The following RNF212B variants were observed in gnomAD, a reference collection of about 807,000 sequenced individuals.
The protein encoded by RNF212B is ring finger protein 212B.
Under a neutral mutation model 55.5 loss-of-function variants are expected in RNF212B, and 52 were observed. The ratio of observed to expected loss-of-function variants is 0.94; its 90% confidence interval spans 0.75 to 1.18. RNF212B has a LOEUF of 1.18. RNF212B is among the 50% of genes most tolerant of loss of function. The pLI, the probability that RNF212B is intolerant of heterozygous loss-of-function variation, is 0.00. For synonymous variants in RNF212B, 99 were observed against 121.4 expected, an observed-to-expected ratio of 0.82 and a Z score of 1.21; for missense variants, 289 against 350.4, an observed-to-expected ratio of 0.82 and a Z score of 1.40.
intron 4 of RNF212B, among the ~76,000 whole-genome samples, chr14:23,245,363 G>T (rs1018998360): frequency 2.6e-5 from 4 of 152,090 alleles, no homozygotes; most frequent in Non-Finnish European, 4.4e-5. Context: ...TTAAAATCCA[G>T]CTGAGACTCA....
At chr14:23,236,440 A>G (rs1036968486), upstream of RNF212B, among the ~76,000 whole-genome samples, 12 of 152,026 alleles carry the variant, frequency 7.9e-5, no homozygotes, top group African/African-American at 2.9e-4. Context: ...GCTTGAACCC[A>G]GGAGGCGGAG....
At chr14:23,202,579 T>C (rs970321387) in intron 2 of RNF212B, among the ~76,000 whole-genome samples, 2 of 151,974 alleles carry the variant, frequency 1.3e-5, no homozygotes, top group Non-Finnish European at 2.9e-5. Context: ...AGGCTGGGCG[T>C]GATGGCTCAC....
At chr14:23,208,962 G>T (rs1392249740) in intron 2 of RNF212B, among the ~76,000 whole-genome samples, 1 of 151,324 alleles carries the variant, frequency 6.6e-6, no homozygotes, top group Non-Finnish European at 1.5e-5. Flanking sequence ...GTTTCATCGT[G>T]TTAGCCGGGA....
intron 2 of RNF212B, among the ~76,000 whole-genome samples, chr14:23,232,166 C>A (rs191044996): frequency 6.6e-6 from 1 of 151,976 alleles, no homozygotes; most frequent in East Asian, 1.9e-4. Flanking sequence ...AGGAGGGCCT[C>A]TTCCCCGCCG....
chr14:23,240,300 G>T (rs1424994964), intron 1 of RNF212B, 45 bp from the exon 2 acceptor site: 1 of 1,298,496 alleles, frequency 7.7e-7, no homozygotes, highest in South Asian at 1.3e-5. Context: ...CTATAATTAT[G>T]TTATTCTCTA....
chr14:23,195,469 T>C (rs903597762), intron 2 of RNF212B, among the ~76,000 whole-genome samples: 4 of 152,222 alleles, frequency 2.6e-5, no homozygotes, highest in African/African-American at 9.6e-5. Flanking sequence ...TTTGTTCCCA[T>C]GATTCACCCT....
intron 2 of RNF212B, among the ~76,000 whole-genome samples, chr14:23,212,207 C>T (rs1429337620): frequency 6.6e-6 from 1 of 152,184 alleles, no homozygotes. Flanking sequence ...TGCTTTTTCC[C>T]TATGATCAAG....
chr14:23,198,259 T>A (rs1260267892), intron 2 of RNF212B, among the ~76,000 whole-genome samples: 10 of 152,184 alleles, frequency 6.6e-5, no homozygotes, highest in Non-Finnish European at 1.0e-4. Flanking sequence ...TAAGCACCTC[T>A]GAAAAAAATT....
At chr14:23,207,297 T>C (rs1215592722) in intron 2 of RNF212B, among the ~76,000 whole-genome samples, 2 of 152,224 alleles carry the variant, frequency 1.3e-5, no homozygotes, top group Admixed American at 1.3e-4. Flanking sequence ...TCTTACCTAG[T>C]GATGGGTCTC....
At chr14:23,246,564 A>G (rs1360335185) in intron 4 of RNF212B, among the ~76,000 whole-genome samples, 1 of 152,120 alleles carries the variant, frequency 6.6e-6, no homozygotes, top group Non-Finnish European at 1.5e-5. Context: ...ATGTTTATGG[A>G]AATATTTTAA....
intron 1 of RNF212B, among the ~76,000 whole-genome samples, chr14:23,187,057 C>T (rs986639737): frequency 4.6e-5 from 7 of 152,184 alleles, no homozygotes; most frequent in African/African-American, 9.7e-5. Flanking sequence ...TCACCCCCTT[C>T]GCACAGTCCT....
At chr14:23,217,250 AGTGGTGGG>A (rs1881174312) in intron 2 of RNF212B, among the ~76,000 whole-genome samples, 1 of 17,400 alleles carries the variant, frequency 5.7e-5, no homozygotes, top group Admixed American at 7.8e-4. Flanking sequence ...CAGTGGTGGC[AGTGGTGGG>A]GGGGGGGCTC....
At chr14:23,190,716 C>T (rs1878040052) in intron 1 of RNF212B, among the ~76,000 whole-genome samples, 1 of 152,224 alleles carries the variant, frequency 6.6e-6, no homozygotes, top group South Asian at 2.1e-4. Flanking sequence ...CTCTACACGG[C>T]AGCCAGAATG....
At chr14:23,236,169 C>G (rs1182990428), upstream of RNF212B, among the ~76,000 whole-genome samples, 1 of 152,176 alleles carries the variant, frequency 6.6e-6, no homozygotes, top group Non-Finnish European at 1.5e-5. Flanking sequence ...CGATGCCACT[C>G]TTCTCACTAA....
At chr14:23,205,175 C>A (rs910531488) in intron 2 of RNF212B, among the ~76,000 whole-genome samples, 3 of 152,054 alleles carry the variant, frequency 2.0e-5, no homozygotes, top group South Asian at 2.1e-4. Flanking sequence ...ACTACACACA[C>A]AAAAAATCTC....
intron 11 of RNF212B, among the ~76,000 whole-genome samples, chr14:23,266,536 C>T (rs1261697318): frequency 6.6e-6 from 1 of 150,956 alleles, no homozygotes; most frequent in East Asian, 2.0e-4. Flanking sequence ...CTCAGCCTCC[C>T]GAGTAGCTGG....
intron 1 of RNF212B, among the ~76,000 whole-genome samples, chr14:23,188,853 G>A (rs1459571219): frequency 1.3e-5 from 2 of 151,984 alleles, no homozygotes; most frequent in Non-Finnish European, 2.9e-5. Context: ...TACCTAAAAT[G>A]GTGCCTGGCA....
At chr14:23,239,184 A>C (rs1030894056) in intron 1 of RNF212B, among the ~76,000 whole-genome samples, 9 of 152,078 alleles carry the variant, frequency 5.9e-5, no homozygotes, top group Non-Finnish European at 1.2e-4. Context: ...CAGCTTCCCA[A>C]GTAGCTGGGG....
chr14:23,256,173 T>C lies in RNF212B; in HGVS notation c.229-2376T>C, dbSNP rs1206825176. Among the ~76,000 whole-genome samples the C allele has an allele frequency of 4.6e-5, 7 of 152,286 alleles. No individual in the cohort carries two copies. In the East Asian group the frequency reaches 1.2e-3, roughly 25 times the overall value. On this transcript the variant is annotated intron_variant, in intron 4 of 14. Transcript: ENST00000430154. ...TAGGGTAGGATTTGGCTTATCTTGA[T>C]GCTAGCCTGATTTTGACATAATTTT...
Sources: allele counts gnomAD v4.1 joint callset (sites outside exome capture counted in the v4.1 genomes callset), GRCh38; gene constraint gnomAD v4.1.1; transcripts MANE v1.5; gene names NCBI Gene and HGNC (gene_info 2026-07-23, HGNC 2026-07-21).